The following CLIP4 variants were observed in gnomAD, a reference collection of about 807,000 sequenced individuals.
CLIP4 encodes CAP-Gly domain-containing linker protein 4.
A neutral mutation model predicts 73.1 loss-of-function variants in CLIP4; 47 were observed. The observed-to-expected ratio is 0.64, with a 90% CI of 0.51 to 0.82. The LOEUF (loss-of-function observed/expected upper bound fraction) is 0.82, where lower values mean the gene tolerates loss of function less well. Ranked by LOEUF, CLIP4 falls within the 40% of genes least tolerant of loss-of-function variation. The pLI, the probability that CLIP4 is intolerant of heterozygous loss-of-function variation, is 0.00. For missense variants in CLIP4, 874 were observed against 852.9 expected (o/e 1.02, Z -0.31); for synonymous variants, 306 against 295.4 (o/e 1.04, Z -0.37).
intron 13 of CLIP4, among the ~76,000 whole-genome samples, 196 bp from the exon 14 acceptor site, chr2:29,167,280 G>C (rs1667683745): frequency 6.6e-6 from 1 of 152,094 alleles, no homozygotes; most frequent in Admixed American, 6.6e-5. Flanking sequence ...ATTATCTTTA[G>C]ATAGTGAGAA....
At chr2:29,158,210 G>A (rs1488877912) in intron 11 of CLIP4, among the ~76,000 whole-genome samples, 1 of 152,104 alleles carries the variant, frequency 6.6e-6, no homozygotes, top group East Asian at 1.9e-4. Context: ...ACCCCAACCA[G>A]TTTTTCTTTA....
intron 2 of CLIP4, among the ~76,000 whole-genome samples, chr2:29,128,107 A>G (rs1664730551): frequency 6.6e-6 from 1 of 152,058 alleles, no homozygotes; most frequent in Non-Finnish European, 1.5e-5. Context: ...TTAGTTTCAC[A>G]TATCAAATAA....
intron 2 of CLIP4, chr2:29,130,755 T>C (rs1448139289): frequency 1.6e-6 from 2 of 1,266,438 alleles, no homozygotes; most frequent in Non-Finnish European, 2.0e-6. Flanking sequence ...TTAGTTATGC[T>C]GACTCTAGAA....
Position 29,103,716 on chromosome 2 carries a change from TTTTG to T in CLIP4, c.-16+5773_-16+5776del, listed in dbSNP as rs1407575545. Among the ~76,000 whole-genome samples the T allele has an allele frequency of 4.0e-5, 6 of 151,156 alleles. No homozygotes were observed. In the South Asian group the frequency reaches 1.0e-3, roughly 26 times the overall value. On this transcript the variant is annotated intron_variant, in intron 1 of 14. Coordinates refer to the CLIP4 transcript ENST00000401605. ...GTTTTTTTTTTGTTTTTGTTCCTGG[TTTTG>T]TTTATTTTTTGAGATGGAGTTTTGC...
chr2:29,157,383 T>G lies in CLIP4; in HGVS notation c.1399+36T>G, dbSNP rs1446795092. On this transcript the variant is annotated intron_variant, in intron 11 of 15. Transcript: ENST00000320081. ...CTTTTTCAACCAGGCTTTCTTGGTG[T>G]TTTTTATCTTGGTTTGTTTGTAAGT... 8.7e-6 allele frequency: 14 copies of G among 1,613,342 alleles called. No homozygotes were observed. The Admixed American group carries it at 2.0e-4, about 23-fold the overall frequency.
chr2:29,131,622 G>A, intron 3 of CLIP4: 1 of 379,680 alleles, frequency 2.6e-6, no homozygotes, highest in Non-Finnish European at 4.6e-6. Flanking sequence ...CCTGGCGGGT[G>A]CAGGGAGGGG....
chr2:29,102,780 C>A (rs1264643727), intron 1 of CLIP4, among the ~76,000 whole-genome samples: 1 of 152,140 alleles, frequency 6.6e-6, no homozygotes, highest in African/African-American at 2.4e-5. Context: ...TGCCCACCAC[C>A]ACGCCCAGCT....
At chr2:29,145,438 T>A in intron 8 of CLIP4, 71 bp downstream of exon 8, 1 of 1,289,280 alleles carries the variant, frequency 7.8e-7, no homozygotes, top group South Asian at 1.5e-5. Context: ...TTACAGTTGT[T>A]AAATAAAACT....
chr2:29,176,306 T>C (rs1026815671), intron 15 of CLIP4, among the ~76,000 whole-genome samples: 1 of 152,206 alleles, frequency 6.6e-6, no homozygotes. Context: ...CTGAGACACG[T>C]GTGTTGAGAA....
chr2:29,132,369 G>T (rs1665037416), intron 4 of CLIP4, 124 bp downstream of exon 4: 1 of 761,158 alleles, frequency 1.3e-6, no homozygotes, highest in Non-Finnish European at 2.2e-6. Flanking sequence ...ATTGCCTGAA[G>T]AGCTGAGGAT....
chr2:29,118,809 C>T (rs1245550328), intron 1 of CLIP4, among the ~76,000 whole-genome samples: 1 of 152,062 alleles, frequency 6.6e-6, no homozygotes, highest in African/African-American at 2.4e-5. Context: ...TGTGAGCCAC[C>T]ATGCCTGGCA....
At chr2:29,152,436 T>G (rs529146697) in intron 8 of CLIP4, among the ~76,000 whole-genome samples, 18 of 152,230 alleles carry the variant, frequency 1.2e-4, no homozygotes, top group Non-Finnish European at 1.9e-4. Flanking sequence ...TCATTTCTCT[T>G]TCTCCTGAAT....
At chr2:29,145,145 C>G (rs1271852860) in intron 7 of CLIP4, 87 bp from the exon 8 acceptor site, 1 of 1,159,394 alleles carries the variant, frequency 8.6e-7, no homozygotes, top group Non-Finnish European at 1.2e-6. Flanking sequence ...TTTTTAAAAA[C>G]TCCCATGGTG....
chr2:29,138,002 T>C lies in CLIP4; in HGVS notation c.648+2336T>C, dbSNP rs143631078. 4.6e-3 allele frequency among the ~76,000 whole-genome samples: 705 copies of C among 152,308 alleles called. 6 individuals are homozygous for C. Among genetic ancestry groups the C allele is most frequent in the African/African-American group, 0.016 (666 of 41,570 alleles). ...TTTCTTTTGCTGTGCAGAAGCTCTT[T>C]AGTTTAATGAGGTCCTGTTTGACAA... On this transcript the variant is annotated intron_variant, in intron 6 of 15. Coordinates refer to ENST00000320081, the MANE Select transcript of CLIP4 (RefSeq NM_024692.6).
At chr2:29,098,170 A>T (rs1446700799) in intron 1 of CLIP4, among the ~76,000 whole-genome samples, 1 of 152,250 alleles carries the variant, frequency 6.6e-6, no homozygotes, top group Non-Finnish European at 1.5e-5. Flanking sequence ...TCAGCACTCC[A>T]AACTTAAAAG....
chr2:29,141,916 T>A (rs1425176025), intron 6 of CLIP4, among the ~76,000 whole-genome samples: 1 of 152,170 alleles, frequency 6.6e-6, no homozygotes, highest in South Asian at 2.1e-4. Flanking sequence ...ATAGACTATG[T>A]GCTTATGTAT....
At chr2:29,112,587 C>T (rs1668410213), upstream of CLIP4, among the ~76,000 whole-genome samples, 1 of 152,234 alleles carries the variant, frequency 6.6e-6, no homozygotes, top group Non-Finnish European at 1.5e-5. Context: ...AGAAACTGAT[C>T]TTGTACTTGG....
intron 9 of CLIP4, among the ~76,000 whole-genome samples, chr2:29,155,025 A>G (rs1415455268): frequency 2.0e-5 from 3 of 152,224 alleles, no homozygotes; most frequent in African/African-American, 7.2e-5. Flanking sequence ...CCAAAATATG[A>G]AAAAGTCAAC....
intron 1 of CLIP4, among the ~76,000 whole-genome samples, chr2:29,101,903 G>A (rs1008143523): frequency 2.6e-5 from 4 of 152,178 alleles, no homozygotes; most frequent in African/African-American, 9.7e-5. Context: ...TGCTTCTGGG[G>A]GAGAGCTACC....
Sources: allele counts gnomAD v4.1 joint callset (sites outside exome capture counted in the v4.1 genomes callset), GRCh38; gene constraint gnomAD v4.1.1; transcripts MANE v1.5; gene names NCBI Gene and HGNC (gene_info 2026-07-23, HGNC 2026-07-21).